The following GCLM variants were observed in gnomAD, a reference collection of about 807,000 sequenced individuals.
GCLM encodes the protein glutamate-cysteine ligase modifier subunit.
Under a neutral mutation model 36.0 loss-of-function variants are expected in GCLM, and 15 were observed. The ratio of observed to expected loss-of-function variants is 0.42; its 90% CI spans 0.28 to 0.64. GCLM has a LOEUF of 0.64. Ranked by LOEUF, GCLM falls within the 30% of genes least tolerant of loss-of-function variation. The pLI, the probability that GCLM is intolerant of heterozygous loss-of-function variation, is 0.25. For missense variants in GCLM, 242 were observed against 325.5 expected (o/e 0.74, Z 1.97); for synonymous variants, 129 against 122.8 (o/e 1.05, Z -0.34).
In GCLM at chr1:93,896,611, C is replaced by T; in HGVS notation, c.540+7G>A. 6.2e-7 allele frequency: 1 copy of T among 1,609,006 alleles called. No homozygotes were observed. Among genetic ancestry groups the T allele is most frequent in the Non-Finnish European group, 8.5e-7 (1 of 1,175,310 alleles). The stretch of plus-strand genomic sequence containing the variant: ...CCTGGAGTGCTCATGATCCTGCCAT[C>T]CCTCACCTGTGCCCACTGATACAGC... On this transcript the variant is annotated splice_region_variant and intron_variant, in intron 5 of 6. Coordinates refer to ENST00000370238, the MANE Select transcript of GCLM (RefSeq NM_002061.4).
At chr1:93,895,962 T>TC in intron 5 of GCLM, among the ~76,000 whole-genome samples, 1 of 125,136 alleles carries the variant, frequency 8.0e-6, no homozygotes, top group Non-Finnish European at 1.6e-5. Context: ...GGTTTTTCTT[T>TC]CTTTTTTTTT....
Position 93,888,768 on chromosome 1 carries a change from T to G in GCLM, c.*222A>C. ...GTATTTTCTTTATAGACAATTTCAA[T>G]TAGAAAACAATAGTTTAAGGAAAGC... On this transcript the variant is annotated 3_prime_UTR_variant, in exon 7 of 7. Coordinates refer to ENST00000370238, the MANE Select transcript of GCLM (RefSeq NM_002061.4). 5.7e-6 allele frequency: 2 copies of G among 349,366 alleles called. No homozygotes were observed. The highest frequency in any genetic ancestry group is 1.0e-5 in the Non-Finnish European group (2 of 196,018). 21.6% of individuals were successfully genotyped at this position (349,366 alleles called of 1,614,324 possible).
chr1:93,901,662 G>A lies in GCLM; in HGVS notation c.200C>T (p.Pro67Leu). 6.8e-7 allele frequency: 1 copy of A among 1,479,792 alleles called. No individual in the cohort carries two copies. Among genetic ancestry groups the A allele is most frequent in the Non-Finnish European group, 9.4e-7 (1 of 1,064,196 alleles). The allele number at this position is 1,479,792 out of a possible 1,614,324, so 91.7% of individuals were successfully genotyped here. A position where few individuals can be genotyped will look rare whatever the true frequency, so the allele number is the denominator to read the frequency against. The change falls in exon 3 of 7, where the codon CCA (proline) becomes CTA (leucine). Residue 67 changes from proline (P) to leucine (L), a missense_variant. Physicochemically the swap from Pro to Leu is moderately conservative, Grantham distance 98. Coordinates refer to ENST00000370238, the MANE Select transcript of GCLM (RefSeq NM_002061.4). The stretch of plus-strand genomic sequence containing the variant: ...AGATACAGTGCATTCCAAGACATCT[G>A]GAAACTCCTATAATAAACACAATAT... ...QINPDLVREFPDVLECTVSHA... is the reference protein window; with the variant it reads ...QINPDLVREFLDVLECTVSHA...
At chr1:93,893,007 T>TA (rs941628946) in intron 6 of GCLM, among the ~76,000 whole-genome samples, 1 of 152,212 alleles carries the variant, frequency 6.6e-6, no homozygotes, top group African/African-American at 2.4e-5. Flanking sequence ...TAAAATGGCT[T>TA]AAAAAATCAA....
rs765939000 is a variant in GCLM at position 93,889,058 on chromosome 1, T to C, written c.757A>G (p.Ile253Val). ...TTGATAATTCCTCTACTTTTCACAA[T>C]GACCGAATACCGCAGTAGCCACAGC... Reference protein sequence around the residue: ...VPLWLLRYSVIVKSRGIIKSK... With the variant: ...VPLWLLRYSVVVKSRGIIKSK... Residue 253 changes from isoleucine (I) to valine (V), a missense_variant, in exon 7 of 7, where the codon ATT (isoleucine) becomes GTT (valine). Transcript: ENST00000370238. 4.4e-6 allele frequency: 7 copies of C among 1,603,592 alleles called. No individual in the cohort carries two copies. Among genetic ancestry groups the C allele is most frequent in the Non-Finnish European group, 8.5e-7 (1 of 1,175,266 alleles).
At chr1:93,895,579 T>C (rs977152375) in intron 5 of GCLM, among the ~76,000 whole-genome samples, 4 of 152,206 alleles carry the variant, frequency 2.6e-5, no homozygotes, top group Non-Finnish European at 4.4e-5. Context: ...TTCTGAATCA[T>C]CTAAGTCTCT....
intron 5 of GCLM, among the ~76,000 whole-genome samples, chr1:93,895,142 G>A (rs914730536): frequency 6.6e-6 from 1 of 151,274 alleles, no homozygotes; most frequent in African/African-American, 2.4e-5. Context: ...AGCCTCCCAA[G>A]TAGCTGGGAT....
At position 93,888,024 on chromosome 1, in the gene GCLM, G is replaced by C. The variant is rs997202465; in HGVS notation, c.*966C>G. On this transcript the variant is annotated 3_prime_UTR_variant, in exon 7 of 7. Transcript: ENST00000370238. ...TGTTTAAGTAGATAATGTCGGCCCT[G>C]AATTAAGGATTTTTTTTTCATCCCC... 13 of 152,056 alleles carry C rather than the reference G, an allele frequency of 8.5e-5. No individual in the cohort carries two copies. Among genetic ancestry groups the C allele is most frequent in the Non-Finnish European group, 2.9e-5 (2 of 67,992 alleles). 9.4% of individuals were successfully genotyped at this position (152,056 alleles called of 1,614,324 possible). A position where few individuals can be genotyped will look rare whatever the true frequency, so the allele number is the denominator to read the frequency against.
chr1:93,889,245 T>C, intron 6 of GCLM, 86 bp from the exon 7 acceptor site: 1 of 818,670 alleles, frequency 1.2e-6, no homozygotes. Flanking sequence ...GCATTTAACA[T>C]AACAAAAGAA....
intron 5 of GCLM, 27 bp downstream of exon 5, chr1:93,896,591 A>G (rs746396137): frequency 1.9e-6 from 3 of 1,570,030 alleles, no homozygotes; most frequent in South Asian, 2.2e-5. Flanking sequence ...TTCTTCCTGG[A>G]GTGCTCATGA....
intron 2 of GCLM, among the ~76,000 whole-genome samples, chr1:93,904,051 G>A (rs2100925754): frequency 6.6e-6 from 1 of 152,270 alleles, no homozygotes; most frequent in African/African-American, 2.4e-5. Context: ...GCCTTTGACT[G>A]AGTTGGATTT....
intron 6 of GCLM, among the ~76,000 whole-genome samples, chr1:93,891,964 G>C (rs1656552669): frequency 6.6e-6 from 1 of 152,140 alleles, no homozygotes; most frequent in Non-Finnish European, 1.5e-5. Context: ...GGTTCGGTAA[G>C]TTGGCCAAGG....
In GCLM at chr1:93,888,141, C is replaced by G. The variant is rs1201933242; in HGVS notation, c.*849G>C. ...TGATTCTTAATTCCTAGCTCTATTG[C>G]CCCCTCCTCTCTCCAGAGCCCACAG... On this transcript the variant is annotated 3_prime_UTR_variant, in exon 7 of 7. Transcript: ENST00000370238. The G allele has an allele frequency of 6.6e-6, 1 of 152,004 alleles. No homozygotes were observed. The highest frequency in any genetic ancestry group is 1.5e-5 in the Non-Finnish European group (1 of 68,012). The allele number at this position is 152,004 out of a possible 1,614,324, so 9.4% of individuals were successfully genotyped here. A position where few individuals can be genotyped will look rare whatever the true frequency, so the allele number is the denominator to read the frequency against.
chr1:93,902,369 A>G (rs557713623), intron 2 of GCLM, among the ~76,000 whole-genome samples: 67 of 151,654 alleles, frequency 4.4e-4, no homozygotes, highest in Non-Finnish European at 7.8e-4. Flanking sequence ...TAGTAGAGAC[A>G]GGGTTTCACC....
Position 93,887,327 on chromosome 1 carries a change from C to G in GCLM, c.*1663G>C, listed in dbSNP as rs1199627883. The stretch of plus-strand genomic sequence containing the variant: ...AATTTTAATGATCAAATTACCCAAT[C>G]AGTAAACCACAAAATCCTACTTAGG... On this transcript the variant is annotated 3_prime_UTR_variant, in exon 7 of 7. Transcript: ENST00000370238. The G allele has an allele frequency of 6.6e-6, 1 of 152,080 alleles. No individual in the cohort carries two copies. The highest frequency in any genetic ancestry group is 6.6e-5 in the Admixed American group (1 of 15,258). 9.4% of individuals were successfully genotyped at this position (152,080 alleles called of 1,614,324 possible).
chr1:93,905,529 C>A (rs1214820660), intron 1 of GCLM, among the ~76,000 whole-genome samples: 4 of 152,172 alleles, frequency 2.6e-5, no homozygotes, highest in African/African-American at 9.7e-5. Context: ...CAGAACTCAA[C>A]TTGTATGACA....
At chr1:93,900,763 T>A (rs1256564590) in intron 3 of GCLM, among the ~76,000 whole-genome samples, 1 of 152,212 alleles carries the variant, frequency 6.6e-6, no homozygotes, top group Non-Finnish European at 1.5e-5. Flanking sequence ...TCCATCTCAA[T>A]AATAATAAAA....
intron 6 of GCLM, among the ~76,000 whole-genome samples, chr1:93,891,708 C>T (rs1260534170): frequency 3.3e-5 from 5 of 152,148 alleles, no homozygotes; most frequent in Admixed American, 3.3e-4. Flanking sequence ...GGGTCAGAAG[C>T]AACCTACAGA....
At chr1:93,908,402 T>A (rs1202844661) in intron 1 of GCLM, among the ~76,000 whole-genome samples, 1 of 152,242 alleles carries the variant, frequency 6.6e-6, no homozygotes, top group Non-Finnish European at 1.5e-5. Context: ...TGATATTCTG[T>A]TACATGCATA....
Sources: allele counts gnomAD v4.1 joint callset (sites outside exome capture counted in the v4.1 genomes callset), GRCh38; gene constraint gnomAD v4.1.1; transcripts MANE v1.5; gene names NCBI Gene and HGNC (gene_info 2026-07-23, HGNC 2026-07-21).